The following CAMK2D variants were observed in gnomAD, a reference collection of about 807,000 sequenced individuals.
CAMK2D encodes calcium/calmodulin-dependent protein kinase type II subunit delta.
CAMK2D carries 37 observed loss-of-function variants against 84.0 expected under a neutral mutation model. The ratio of observed to expected loss-of-function variants is 0.44; its 90% CI spans 0.34 to 0.58. The LOEUF (loss-of-function observed/expected upper bound fraction) is 0.58. CAMK2D is among the 20% of genes least tolerant of loss of function. CAMK2D has a pLI of 0.02. For missense variants in CAMK2D, 448 were observed against 652.5 expected (o/e 0.69, Z 3.41); for synonymous variants, 202 against 212.5 (o/e 0.95, Z 0.43).
intron 3 of CAMK2D, among the ~76,000 whole-genome samples, chr4:113,624,826 C>T (rs1188167904): frequency 6.6e-6 from 1 of 152,102 alleles, no homozygotes; most frequent in Non-Finnish European, 1.5e-5. Context: ...ATGGAAAGTC[C>T]AAACTTTAGA....
rs947924823 is a variant in CAMK2D at position 113,761,557 on chromosome 4, T to A, written c.-489A>T. On this transcript the variant is annotated 5_prime_UTR_variant, in exon 1 of 21. Transcript: ENST00000511664. ...GCCGCGGAGCCCAGAGCGGACAGCC[T>A]GAGCCCAGCGGCCGCTGTCAGCAGG... 8 of 986,192 alleles carry A rather than the reference T, an allele frequency of 8.1e-6. No individual in the cohort carries two copies. The highest frequency in any genetic ancestry group is 9.6e-6 in the Non-Finnish European group (8 of 830,616). The allele number at this position is 986,192 out of a possible 1,614,324, so 61.1% of individuals were successfully genotyped here.
chr4:113,623,739 TG>T (rs1340842435), intron 3 of CAMK2D, among the ~76,000 whole-genome samples: 3 of 84,410 alleles, frequency 3.6e-5, no homozygotes, highest in African/African-American at 1.7e-4. Flanking sequence ...ATGCAGTGAC[TG>T]TGTGTGTGTG....
intron 16 of CAMK2D, among the ~76,000 whole-genome samples, chr4:113,480,882 A>G (rs1202887132): frequency 6.6e-6 from 1 of 152,146 alleles, no homozygotes; most frequent in Non-Finnish European, 1.5e-5. Flanking sequence ...AGTCCCTTCC[A>G]TTCCTTCTGC....
chr4:113,560,437 A>G (rs1192282892), intron 4 of CAMK2D, among the ~76,000 whole-genome samples: 1 of 152,184 alleles, frequency 6.6e-6, no homozygotes, highest in Non-Finnish European at 1.5e-5. Flanking sequence ...AAATAGAAAC[A>G]TAAATAAAAA....
chr4:113,755,535 A>T (rs114035306), intron 2 of CAMK2D, among the ~76,000 whole-genome samples: 3,542 of 152,052 alleles, frequency 0.023, 48 homozygotes, highest in Middle Eastern at 0.048. Flanking sequence ...GTTTCTAACG[A>T]TCAAGAAATA....
intron 2 of CAMK2D, among the ~76,000 whole-genome samples, chr4:113,726,212 T>G (rs2099545258): frequency 6.6e-6 from 1 of 152,126 alleles, no homozygotes; most frequent in South Asian, 2.1e-4. Flanking sequence ...AAGATGAATG[T>G]TCTGAACCCT....
At chr4:113,637,601 C>A (rs992010629) in intron 3 of CAMK2D, among the ~76,000 whole-genome samples, 7 of 152,058 alleles carry the variant, frequency 4.6e-5, no homozygotes, top group Admixed American at 4.6e-4. Flanking sequence ...GGCACATAAT[C>A]AAAAATTTTT....
chr4:113,477,745 C>CAAA (rs34393843), intron 16 of CAMK2D, among the ~76,000 whole-genome samples: 21 of 117,260 alleles, frequency 1.8e-4, no homozygotes, highest in East Asian at 1.2e-3. Context: ...GACTCTGTCT[C>CAAA]AAAAAAAAAA....
intron 4 of CAMK2D, among the ~76,000 whole-genome samples, chr4:113,580,591 T>C (rs1282810546): frequency 4.6e-5 from 7 of 152,192 alleles, no homozygotes; most frequent in Non-Finnish European, 1.0e-4. Context: ...ATACTCTTTG[T>C]TGTGATTAAG....
At chr4:113,648,522 T>C (rs899507551) in intron 3 of CAMK2D, among the ~76,000 whole-genome samples, 2 of 152,212 alleles carry the variant, frequency 1.3e-5, no homozygotes, top group African/African-American at 2.4e-5. Context: ...ATGAAAGTAG[T>C]TGAGCCAACA....
intron 2 of CAMK2D, among the ~76,000 whole-genome samples, chr4:113,695,048 A>T (rs1174809339): frequency 6.6e-6 from 1 of 152,150 alleles, no homozygotes; most frequent in Non-Finnish European, 1.5e-5. Flanking sequence ...ATCACAACCT[A>T]ATAGTCACCA....
chr4:113,755,831 G>A (rs969638613), intron 2 of CAMK2D, among the ~76,000 whole-genome samples: 8 of 151,880 alleles, frequency 5.3e-5, no homozygotes, highest in South Asian at 2.1e-4. Context: ...TTAAAATGGC[G>A]TAATTTCTAA....
At chr4:113,749,528 T>C (rs966949299) in intron 2 of CAMK2D, among the ~76,000 whole-genome samples, 2 of 152,238 alleles carry the variant, frequency 1.3e-5, no homozygotes, top group African/African-American at 2.4e-5. Flanking sequence ...GTCACCATAC[T>C]GCTTAAAAAT....
intron 4 of CAMK2D, among the ~76,000 whole-genome samples, chr4:113,593,353 G>A (rs890853021): frequency 2.0e-5 from 3 of 152,174 alleles, no homozygotes; most frequent in African/African-American, 4.8e-5. Context: ...AGTAAGACAG[G>A]TTAGGATAGA....
At chr4:113,609,278 T>C (rs1041847542) in intron 3 of CAMK2D, 72 bp from the exon 4 acceptor site, 9 of 796,650 alleles carry the variant, frequency 1.1e-5, no homozygotes, top group African/African-American at 1.7e-5. Context: ...CCACTTCACA[T>C]GGACATATGT....
At chr4:113,494,051 T>G (rs1053938476) in intron 16 of CAMK2D, among the ~76,000 whole-genome samples, 1 of 152,140 alleles carries the variant, frequency 6.6e-6, no homozygotes, top group African/African-American at 2.4e-5. Context: ...CTTCTAAATT[T>G]TTTTCAAAGT....
intron 2 of CAMK2D, among the ~76,000 whole-genome samples, chr4:113,731,600 T>TC (rs1262526097): frequency 6.6e-6 from 1 of 151,082 alleles, no homozygotes; most frequent in Non-Finnish European, 1.5e-5. Context: ...TTTTTTTTTT[T>TC]TTTGAGACAG....
chr4:113,641,146 C>T (rs1034229448), intron 3 of CAMK2D, among the ~76,000 whole-genome samples: 2 of 152,180 alleles, frequency 1.3e-5, no homozygotes, highest in African/African-American at 4.8e-5. Flanking sequence ...CCTTCTAGTG[C>T]TTTATTTAAA....
chr4:113,605,281 C>T (rs773744922), intron 4 of CAMK2D, among the ~76,000 whole-genome samples: 4 of 152,172 alleles, frequency 2.6e-5, no homozygotes, highest in Admixed American at 6.5e-5. Flanking sequence ...CTCTTGAAGC[C>T]CAAATTCTTT....
Sources: allele counts gnomAD v4.1 joint callset (sites outside exome capture counted in the v4.1 genomes callset), GRCh38; gene constraint gnomAD v4.1.1; transcripts MANE v1.5; gene names NCBI Gene and HGNC (gene_info 2026-07-23, HGNC 2026-07-21).